The following PARD3B variants were observed in gnomAD, a reference collection of about 807,000 sequenced individuals.
PARD3B encodes the protein par-3 family cell polarity regulator beta, also known as partitioning defective 3 homolog B.
Under a neutral mutation model 130.2 loss-of-function variants are expected in PARD3B, and 103 were observed. That is an observed-to-expected ratio of 0.79 (90% CI 0.67 to 0.93). The LOEUF (loss-of-function observed/expected upper bound fraction) is 0.93, where lower values mean the gene tolerates loss of function less well. PARD3B is among the 40% of genes least tolerant of loss of function. The pLI, the probability that PARD3B is intolerant of heterozygous loss-of-function variation, is 0.00. For synonymous variants in PARD3B, 583 were observed against 553.2 expected, an observed-to-expected ratio of 1.05 and a Z score of -0.76; for missense variants, 1,609 against 1,499.2, an observed-to-expected ratio of 1.07 and a Z score of -1.21.
In PARD3B at chr2:205,288,528, TA is replaced by T. The variant is rs1209331981; in HGVS notation, c.2186-11995del. On this transcript the variant is annotated intron_variant, in intron 16 of 22. Coordinates refer to ENST00000406610, the MANE Select transcript of PARD3B (RefSeq NM_001302769.2). The surrounding 1 kb of genome is among the most constrained non-coding windows in gnomAD (Gnocchi z 4.0). Reference sequence around the variant, plus strand: ...CAATATCATCAAGCGTTTACTCTGGTAAAAAAACTTCATGGCTTTCTATTGT... The same window carrying T: ...CAATATCATCAAGCGTTTACTCTGGTAAAAAACTTCATGGCTTTCTATTGT... 6.6e-6 allele frequency among the ~76,000 whole-genome samples: 1 copy of T among 152,198 alleles called. No individual in the cohort carries two copies. Among genetic ancestry groups the T allele is most frequent in the African/African-American group, 2.4e-5 (1 of 41,444 alleles).
intron 2 of PARD3B, among the ~76,000 whole-genome samples, chr2:204,805,196 A>G (rs1404572608): frequency 6.6e-6 from 1 of 152,104 alleles, no homozygotes; most frequent in African/African-American, 2.4e-5. Context: ...AAAAGAGAAG[A>G]CCTAAACAAA....
In PARD3B at chr2:205,109,264, G is replaced by A. The variant is rs149701085; in HGVS notation, c.594-4227G>A. Reference sequence around the variant, plus strand: ...TCCACAGATTCTTCCTGGAGGTTTCGCTCTGTAGTCCGCCTCTCATACTAT... The same window carrying A: ...TCCACAGATTCTTCCTGGAGGTTTCACTCTGTAGTCCGCCTCTCATACTAT... On this transcript the variant is annotated intron_variant, in intron 5 of 22. Transcript: ENST00000406610. Among the ~76,000 whole-genome samples, 273 of 152,256 alleles carry A rather than the reference G, an allele frequency of 1.8e-3. 1 individual carries two copies. The highest frequency in any genetic ancestry group is 6.0e-3 in the African/African-American group (251 of 41,550).
chr2:204,578,133 G>T (rs950303132), intron 1 of PARD3B, among the ~76,000 whole-genome samples: 15 of 152,264 alleles, frequency 9.9e-5, no homozygotes, highest in Non-Finnish European at 1.9e-4. Flanking sequence ...GAGAAACCCT[G>T]TTTTTAGAGT....
intron 2 of PARD3B, among the ~76,000 whole-genome samples, chr2:204,773,676 A>G (rs576118700): frequency 2.0e-5 from 3 of 152,010 alleles, no homozygotes; most frequent in African/African-American, 4.8e-5. Flanking sequence ...ATAAATTGCA[A>G]TATATATTCT....
chr2:205,277,885 G>A (rs563771584), intron 16 of PARD3B, among the ~76,000 whole-genome samples: 1 of 152,228 alleles, frequency 6.6e-6, no homozygotes, highest in East Asian at 1.9e-4. Flanking sequence ...GATGCCCAGA[G>A]GGAGAAAGTG....
At position 205,440,236 on chromosome 2, in the gene PARD3B, T is replaced by C. The variant is rs969422017; in HGVS notation, c.2742-134T>C. On this transcript the variant is annotated intron_variant, in intron 19 of 22. Coordinates refer to ENST00000406610, the MANE Select transcript of PARD3B (RefSeq NM_001302769.2). The surrounding 1 kb of genome is among the most constrained non-coding windows in gnomAD (Gnocchi z 4.2). ...TTCTTATGCTGTTGGCATTTCTGCATGCTGTGATCTTGAGTAAACAGGAGA... is the reference window on the plus strand; with the variant it reads ...TTCTTATGCTGTTGGCATTTCTGCACGCTGTGATCTTGAGTAAACAGGAGA... The C allele has an allele frequency of 1.2e-6, 1 of 831,350 alleles. No homozygotes were observed. The highest frequency in any genetic ancestry group is 1.7e-5 in the African/African-American group (1 of 57,814). 51.5% of individuals were successfully genotyped at this position (831,350 alleles called of 1,614,324 possible). A position where few individuals can be genotyped will look rare whatever the true frequency, so the allele number is the denominator to read the frequency against.
chr2:204,998,272 A>T (rs1453151770), intron 3 of PARD3B, among the ~76,000 whole-genome samples: 1 of 142,366 alleles, frequency 7.0e-6, no homozygotes, highest in Non-Finnish European at 1.5e-5. Context: ...TACCTATGTA[A>T]CAAACATGCA....
intron 1 of PARD3B, among the ~76,000 whole-genome samples, chr2:204,648,643 T>C (rs189460712): frequency 0.021 from 2,483 of 116,160 alleles, 99 homozygotes; most frequent in African/African-American, 0.077. Flanking sequence ...TAATATATAT[T>C]ATATATATAA....
intron 1 of PARD3B, among the ~76,000 whole-genome samples, chr2:204,624,017 T>C (rs769415527): frequency 6.6e-6 from 1 of 152,184 alleles, no homozygotes; most frequent in Non-Finnish European, 1.5e-5. Flanking sequence ...GGTATGTATA[T>C]ACTACATTTC....
At chr2:204,828,572 C>T (rs1317295746) in intron 2 of PARD3B, among the ~76,000 whole-genome samples, 4 of 152,188 alleles carry the variant, frequency 2.6e-5, no homozygotes, top group African/African-American at 9.7e-5. Context: ...CCACTATCTC[C>T]TTTCACTTAA....
Position 205,371,818 on chromosome 2 carries a change from A to C in PARD3B, c.2631-29195A>C, listed in dbSNP as rs1041726939. On this transcript the variant is annotated intron_variant, in intron 18 of 22. Coordinates refer to ENST00000406610, the MANE Select transcript of PARD3B (RefSeq NM_001302769.2). ...TACAATCATTATAATCAACTTCAGG[A>C]TATTTTATCACCCTAAACAACCACT... is the stretch of plus-strand genomic sequence containing the variant. 3.3e-5 allele frequency among the ~76,000 whole-genome samples: 5 copies of C among 152,166 alleles called. 1 individual carries two copies. The highest frequency in any genetic ancestry group is 9.7e-5 in the African/African-American group (4 of 41,436).
intron 3 of PARD3B, among the ~76,000 whole-genome samples, chr2:205,028,378 A>C (rs1180525791): frequency 6.6e-6 from 1 of 152,190 alleles, no homozygotes; most frequent in East Asian, 1.9e-4. Context: ...CTCTTAATAG[A>C]TTATTTGACC....
In PARD3B at chr2:204,815,211, T is replaced by C. The variant is rs572364614; in HGVS notation, c.222+128929T>C. ...ACAAATTCAATTACTTTAATATATA[T>C]GGGATTATTCAGGTTAATGAGCTCA... is the stretch of plus-strand genomic sequence containing the variant. On this transcript the variant is annotated intron_variant, in intron 2 of 22. Transcript: ENST00000406610. Among the ~76,000 whole-genome samples, 9 of 152,076 alleles carry C rather than the reference T, an allele frequency of 5.9e-5. No individual in the cohort carries two copies. The South Asian group carries it at 1.9e-3, about 31-fold the overall frequency.
intron 15 of PARD3B, among the ~76,000 whole-genome samples, chr2:205,226,284 G>A (rs1317439931): frequency 5.9e-5 from 9 of 152,014 alleles, no homozygotes; most frequent in East Asian, 1.9e-4. Context: ...CTTGTGATCC[G>A]CCCGCCTTGG....
chr2:205,520,484 G>A (rs953537910), intron 21 of PARD3B, among the ~76,000 whole-genome samples: 7 of 152,162 alleles, frequency 4.6e-5, no homozygotes, highest in African/African-American at 1.4e-4. Context: ...GGGAGTTGCC[G>A]AGTTGCTACT....
At chr2:204,971,042 G>C (rs1164099230) in intron 3 of PARD3B, among the ~76,000 whole-genome samples, 1 of 152,062 alleles carries the variant, frequency 6.6e-6, no homozygotes, top group African/African-American at 2.4e-5. Flanking sequence ...CTCTTTCTTT[G>C]CAGTGGTGTT....
chr2:204,969,029 A>C (rs1691479022), intron 3 of PARD3B, among the ~76,000 whole-genome samples: 1 of 152,190 alleles, frequency 6.6e-6, no homozygotes, highest in Non-Finnish European at 1.5e-5. Flanking sequence ...TCACTTTCAC[A>C]CTTTAAGATT....
chr2:205,547,936 G>A (rs2052448372), intron 21 of PARD3B, among the ~76,000 whole-genome samples: 1 of 152,176 alleles, frequency 6.6e-6, no homozygotes, highest in Admixed American at 6.6e-5. Context: ...CACTCTACAA[G>A]AAGGGTGGAT....
chr2:205,610,905 T>C (rs1219308826), intron 22 of PARD3B, among the ~76,000 whole-genome samples: 1 of 152,162 alleles, frequency 6.6e-6, no homozygotes. Context: ...TTCAACCTTT[T>C]ATAGTTACTG....
Sources: allele counts gnomAD v4.1 joint callset (sites outside exome capture counted in the v4.1 genomes callset), GRCh38; gene constraint gnomAD v4.1.1; non-coding constraint Gnocchi (gnomAD v3.1); transcripts MANE v1.5; gene names NCBI Gene and HGNC (gene_info 2026-07-23, HGNC 2026-07-21).